RPS6KC1: variants seen among roughly 807,000 people sequenced by gnomAD.
The protein encoded by RPS6KC1 is inactive ribosomal protein S6 kinase delta-1.
In RPS6KC1, 54 loss-of-function variants were observed where a neutral mutation model predicts 103.8. That is an observed-to-expected ratio of 0.52 (90% CI 0.42 to 0.65). RPS6KC1 has a LOEUF of 0.65. RPS6KC1 is among the 30% of genes least tolerant of loss of function. RPS6KC1 has a pLI of 0.00. For synonymous variants in RPS6KC1, 439 were observed against 438.7 expected (o/e 1.00, Z -0.01); for missense variants, 1,151 against 1,253.8 (o/e 0.92, Z 1.24).
the RPS6KC1 span, among the ~76,000 whole-genome samples, chr1:213,512,718 T>C: frequency 6.6e-6 from 1 of 152,242 alleles, no homozygotes; most frequent in East Asian, 1.9e-4. Context: ...GGTGAAATTT[T>C]TATGGCAATC....
At chr1:213,719,187 A>G in the RPS6KC1 span, among the ~76,000 whole-genome samples, 2 of 152,246 alleles carry the variant, frequency 1.3e-5, no homozygotes, top group Non-Finnish European at 2.9e-5. Context: ...CTCAGAAATC[A>G]CTAGGGATTA....
chr1:213,571,974 G>A, the RPS6KC1 span, among the ~76,000 whole-genome samples: 177 of 152,282 alleles, frequency 1.2e-3, 1 homozygote, highest in African/African-American at 4.1e-3. Context: ...AGATTCACAC[G>A]GCCTTGGGAT....
the RPS6KC1 span, among the ~76,000 whole-genome samples, chr1:213,393,242 C>A: frequency 6.6e-6 from 1 of 152,182 alleles, no homozygotes; most frequent in Non-Finnish European, 1.5e-5. Flanking sequence ...GGGAGAGACA[C>A]AAGAGAGGGC....
chr1:213,636,349 T>A, the RPS6KC1 span, among the ~76,000 whole-genome samples: 3 of 151,622 alleles, frequency 2.0e-5, no homozygotes, highest in African/African-American at 7.3e-5. Context: ...GGAGGCATCA[T>A]GCTGACTTCA....
At chr1:213,295,510 A>G in the RPS6KC1 span, among the ~76,000 whole-genome samples, 1 of 152,184 alleles carries the variant, frequency 6.6e-6, no homozygotes, top group East Asian at 1.9e-4. Context: ...TCAAATTTTG[A>G]TTCATATATT....
the RPS6KC1 span, among the ~76,000 whole-genome samples, chr1:213,565,049 G>A: frequency 7.9e-5 from 12 of 152,146 alleles, no homozygotes; most frequent in Non-Finnish European, 1.3e-4. Context: ...TACTAGTCAT[G>A]AAAAACATTT....
chr1:213,124,698 C>T (rs1159602214), intron 5 of RPS6KC1, among the ~76,000 whole-genome samples: 1 of 151,942 alleles, frequency 6.6e-6, no homozygotes, highest in Non-Finnish European at 1.5e-5. Flanking sequence ...TGTTATCTTC[C>T]TCGAGCTGGC....
chr1:213,481,214 A>G, the RPS6KC1 span, among the ~76,000 whole-genome samples: 5 of 152,344 alleles, frequency 3.3e-5, no homozygotes, highest in African/African-American at 9.6e-5. Flanking sequence ...AAGATTTGGT[A>G]AAACTAGTTT....
At chr1:213,684,630 T>C in the RPS6KC1 span, among the ~76,000 whole-genome samples, 1 of 152,200 alleles carries the variant, frequency 6.6e-6, no homozygotes, top group African/African-American at 2.4e-5. Context: ...CTTGGCTTTG[T>C]GAGTGAAAAC....
At chr1:213,664,764 T>A in the RPS6KC1 span, among the ~76,000 whole-genome samples, 1 of 152,330 alleles carries the variant, frequency 6.6e-6, no homozygotes, top group African/African-American at 2.4e-5. Context: ...ATAGCAATAA[T>A]TAAGATCTTT....
chr1:213,651,803 T>C, the RPS6KC1 span, among the ~76,000 whole-genome samples: 1 of 151,810 alleles, frequency 6.6e-6, no homozygotes, highest in South Asian at 2.1e-4. Flanking sequence ...AAGGTTCAAC[T>C]CTTGTAAGCA....
At chr1:213,680,981 G>A in the RPS6KC1 span, among the ~76,000 whole-genome samples, 1 of 152,220 alleles carries the variant, frequency 6.6e-6, no homozygotes, top group Non-Finnish European at 1.5e-5. Flanking sequence ...AAACTCAGCG[G>A]TGAGGCCCTT....
chr1:213,225,364 A>G (rs185133203), intron 8 of RPS6KC1, among the ~76,000 whole-genome samples: 18 of 151,812 alleles, frequency 1.2e-4, no homozygotes, highest in African/African-American at 3.9e-4. Flanking sequence ...ACAAAGCAGC[A>G]TTTCCCAGCC....
chr1:213,241,475 T>C lies in RPS6KC1; in HGVS notation c.1999T>C (p.Ser667Pro). 1 of 1,613,982 alleles carries C rather than the reference T, an allele frequency of 6.2e-7. No individual in the cohort carries two copies. Among genetic ancestry groups the C allele is most frequent in the Non-Finnish European group, 8.5e-7 (1 of 1,179,936 alleles). ...CACCATTAGCAGGGGCTCAGATGAC[T>C]CAGTGCCAGTTATTTCATTTAAAGA... ...QDTISRGSDD[S>P]VPVISFKDAA... is the part of the protein sequence containing the mutation. The change falls in exon 11 of 15, where the codon TCA becomes CCA. Residue 667 changes from serine (S) to proline (P), a missense_variant. Ser to Pro is a moderately conservative substitution (Grantham distance 74). This residue lies in a region of RPS6KC1 where 959 missense variants were observed against 1,006.3 expected (regional missense o/e 0.95). Transcript: ENST00000366960.
chr1:213,464,456 T>C, the RPS6KC1 span, among the ~76,000 whole-genome samples: 1 of 152,190 alleles, frequency 6.6e-6, no homozygotes, highest in Non-Finnish European at 1.5e-5. Flanking sequence ...CCTTTTTCCA[T>C]TTACTTATAA....
At chr1:213,681,104 G>A in the RPS6KC1 span, among the ~76,000 whole-genome samples, 5 of 152,138 alleles carry the variant, frequency 3.3e-5, no homozygotes, top group Admixed American at 1.3e-4. Context: ...TGTTCCAGGC[G>A]TGGCCTGTGG....
At chr1:213,074,843 ATTTTTT>A (rs752747801) in intron 2 of RPS6KC1, among the ~76,000 whole-genome samples, 10 of 71,266 alleles carry the variant, frequency 1.4e-4, no homozygotes, top group Admixed American at 3.9e-4. Context: ...ACTAGAATAA[ATTTTTT>A]TTTTTTTTTT....
the RPS6KC1 span, among the ~76,000 whole-genome samples, chr1:213,658,067 G>C: frequency 6.6e-6 from 1 of 152,190 alleles, no homozygotes; most frequent in Non-Finnish European, 1.5e-5. Context: ...CCACCTGTAG[G>C]GAGGAAATGA....
chr1:213,113,114 T>A (rs2083200000), intron 4 of RPS6KC1, among the ~76,000 whole-genome samples: 1 of 152,168 alleles, frequency 6.6e-6, no homozygotes, highest in Non-Finnish European at 1.5e-5. Flanking sequence ...TATTTCTAGT[T>A]CTAGATCCCT....
Sources: allele counts gnomAD v4.1 joint callset (sites outside exome capture counted in the v4.1 genomes callset), GRCh38; gene constraint gnomAD v4.1.1; regional missense constraint gnomAD v4.1.1; transcripts MANE v1.5; gene names NCBI Gene and HGNC (gene_info 2026-07-23, HGNC 2026-07-21).